Variants in EPHA3 observed in about 807,000 individuals in gnomAD.
The protein encoded by EPHA3 is ephrin type-A receptor 3.
In EPHA3, 42 loss-of-function variants were observed where a neutral mutation model predicts 107.1. The ratio of observed to expected loss-of-function variants is 0.39; its 90% CI spans 0.31 to 0.51. The LOEUF (loss-of-function observed/expected upper bound fraction) is 0.51, where lower values mean the gene tolerates loss of function less well. Ranked by LOEUF, EPHA3 falls within the 20% of genes least tolerant of loss-of-function variation. The pLI is 0.78. For synonymous variants in EPHA3, 461 were observed against 424.8 expected (o/e 1.09, Z -1.05); for missense variants, 1,183 against 1,211.2 (o/e 0.98, Z 0.35).
At chr3:89,418,990 G>A (rs1709303270) in intron 10 of EPHA3, among the ~76,000 whole-genome samples, 1 of 151,292 alleles carries the variant, frequency 6.6e-6, no homozygotes, top group Non-Finnish European at 1.5e-5. Context: ...ATTTTCACAA[G>A]GTTCATTTTC....
chr3:89,476,608 TA>T (rs1559710435), intron 16 of EPHA3, among the ~76,000 whole-genome samples: 1 of 145,444 alleles, frequency 6.9e-6, no homozygotes, highest in Non-Finnish European at 1.5e-5. Context: ...TTTATTTATT[TA>T]TTTATTTAAT....
At chr3:89,231,452 GTT>G (rs1296618418) in intron 3 of EPHA3, among the ~76,000 whole-genome samples, 1 of 152,126 alleles carries the variant, frequency 6.6e-6, no homozygotes, top group Non-Finnish European at 1.5e-5. Context: ...AAAGCAATTT[GTT>G]TGCTATTTGC....
At chr3:89,319,197 T>C (rs1158233251) in intron 3 of EPHA3, among the ~76,000 whole-genome samples, 3 of 152,024 alleles carry the variant, frequency 2.0e-5, no homozygotes, top group Admixed American at 2.0e-4. Flanking sequence ...TAGAACCTAA[T>C]AACTTCTGGG....
chr3:89,272,910 A>G (rs2107301000), intron 3 of EPHA3, among the ~76,000 whole-genome samples: 1 of 152,042 alleles, frequency 6.6e-6, no homozygotes, highest in African/African-American at 2.4e-5. Flanking sequence ...TCACTGTAAA[A>G]CACTTAAGAA....
Position 89,479,986 on chromosome 3 carries a change from T to A in EPHA3, c.*484T>A, listed in dbSNP as rs1378298022. On this transcript the variant is annotated 3_prime_UTR_variant, in exon 17 of 17. Transcript: ENST00000336596. ...ATACCTCAAACTATCTGGCCATATT[T>A]ACTACCTTATCACTGCATTATTCTC... 1 of 235,160 alleles carries A rather than the reference T, an allele frequency of 4.3e-6. No individual in the cohort carries two copies. Among genetic ancestry groups the A allele is most frequent in the Non-Finnish European group, 8.4e-6 (1 of 119,200 alleles). 14.6% of individuals were successfully genotyped at this position (235,160 alleles called of 1,614,324 possible).
intron 9 of EPHA3, among the ~76,000 whole-genome samples, chr3:89,410,044 G>A (rs999774311): frequency 2.0e-5 from 3 of 151,946 alleles, no homozygotes; most frequent in Non-Finnish European, 4.4e-5. Flanking sequence ...GGTGTGAAGG[G>A]ATTATGTGCC....
chr3:89,264,950 A>C (rs1705501984), intron 3 of EPHA3, among the ~76,000 whole-genome samples: 3 of 152,170 alleles, frequency 2.0e-5, no homozygotes, highest in Non-Finnish European at 4.4e-5. Context: ...TAGTAGGTGA[A>C]TATATTTATA....
chr3:89,199,187 G>A (rs540038049), intron 2 of EPHA3, among the ~76,000 whole-genome samples: 77 of 152,116 alleles, frequency 5.1e-4, no homozygotes, highest in Non-Finnish European at 4.4e-5. Context: ...TTTCTAACTT[G>A]TATTGAATAT....
intron 5 of EPHA3, among the ~76,000 whole-genome samples, chr3:89,391,421 C>CTTTTTT (rs758307339): frequency 2.6e-5 from 3 of 115,994 alleles, no homozygotes; most frequent in African/African-American, 3.5e-5. Flanking sequence ...TCTTTCTTTT[C>CTTTTTT]TTTTTTTTTT....
At chr3:89,363,264 G>C (rs1708129749) in intron 5 of EPHA3, among the ~76,000 whole-genome samples, 1 of 150,670 alleles carries the variant, frequency 6.6e-6, no homozygotes, top group South Asian at 2.1e-4. Flanking sequence ...TCTATTGAGA[G>C]AGAGATAGCG....
chr3:89,237,404 G>T (rs190160323), intron 3 of EPHA3, among the ~76,000 whole-genome samples: 49 of 152,074 alleles, frequency 3.2e-4, no homozygotes, highest in African/African-American at 1.1e-3. Flanking sequence ...ATAAATAACG[G>T]CCATACATGA....
Position 89,480,128 on chromosome 3 carries a change from A to T in EPHA3, c.*626A>T, listed in dbSNP as rs1310061846. ...TAAAGAAATGTCTTAATTTTTGAAA[A>T]AAGTACATATTTATTTTCTTTTGAA... On this transcript the variant is annotated 3_prime_UTR_variant, in exon 17 of 17. Transcript: ENST00000336596. The T allele has an allele frequency of 8.6e-6, 2 of 232,888 alleles. No homozygotes were observed. Among genetic ancestry groups the T allele is most frequent in the Non-Finnish European group, 1.7e-5 (2 of 117,664 alleles). The allele number at this position is 232,888 out of a possible 1,614,324, so 14.4% of individuals were successfully genotyped here. A position where few individuals can be genotyped will look rare whatever the true frequency, so the allele number is the denominator to read the frequency against.
At chr3:89,151,313 C>G (rs773685563) in intron 2 of EPHA3, among the ~76,000 whole-genome samples, 2 of 152,086 alleles carry the variant, frequency 1.3e-5, no homozygotes, top group Non-Finnish European at 2.9e-5. Flanking sequence ...TACCATTATA[C>G]TGGCATTCTA....
intron 13 of EPHA3, among the ~76,000 whole-genome samples, chr3:89,434,106 T>C (rs1462730632): frequency 6.6e-6 from 1 of 152,150 alleles, no homozygotes; most frequent in African/African-American, 2.4e-5. Flanking sequence ...GCCAGAAAAA[T>C]ACTTTTAGGT....
At chr3:89,260,891 C>T (rs1705398940) in intron 3 of EPHA3, among the ~76,000 whole-genome samples, 1 of 152,170 alleles carries the variant, frequency 6.6e-6, no homozygotes, top group Non-Finnish European at 1.5e-5. Flanking sequence ...CTCTATGGTC[C>T]TCCACAGCAT....
intron 5 of EPHA3, among the ~76,000 whole-genome samples, chr3:89,387,762 T>C (rs1285826634): frequency 2.0e-5 from 3 of 152,196 alleles, no homozygotes; most frequent in Non-Finnish European, 4.4e-5. Flanking sequence ...TTCATTTTGG[T>C]GAATTTATGC....
intron 1 of EPHA3, among the ~76,000 whole-genome samples, chr3:89,109,930 A>C (rs1161071501): frequency 1.3e-5 from 2 of 152,002 alleles, no homozygotes; most frequent in Non-Finnish European, 2.9e-5. Context: ...AGATGATTTA[A>C]CTTAGGTAAT....
At chr3:89,362,807 A>G (rs528850853) in intron 5 of EPHA3, among the ~76,000 whole-genome samples, 8 of 151,092 alleles carry the variant, frequency 5.3e-5, no homozygotes, top group African/African-American at 1.7e-4. Flanking sequence ...AGAACCAAAG[A>G]TATCTCCAAT....
chr3:89,154,642 C>T (rs1043381704), intron 2 of EPHA3, among the ~76,000 whole-genome samples: 1 of 151,338 alleles, frequency 6.6e-6, no homozygotes, highest in African/African-American at 2.4e-5. Flanking sequence ...ATTTGGCAGC[C>T]ATTTTGTAAA....
Sources: gnomAD v4.1 joint callset for allele counts (sites outside exome capture counted in the v4.1 genomes callset) on GRCh38, gnomAD v4.1.1 for gene constraint, MANE v1.5 for transcripts, NCBI Gene and HGNC (gene_info 2026-07-23, HGNC 2026-07-21) for gene names.